Variants in CASD1 observed in about 807,000 individuals in gnomAD.
CASD1 encodes CAS1 domain sialic acid O acetyltransferase 1, also known as N-acetylneuraminate (7)9-O-acetyltransferase.
In CASD1, 41 loss-of-function variants were observed where a neutral mutation model predicts 100.0. The observed-to-expected ratio is 0.41, with a 90% CI of 0.32 to 0.53. The LOEUF is 0.53. CASD1 is among the 20% of genes least tolerant of loss of function. CASD1 has a pLI of 0.25. For missense variants in CASD1, 774 were observed against 948.7 expected, an observed-to-expected ratio of 0.82 and a Z score of 2.42; for synonymous variants, 321 against 315.6, an observed-to-expected ratio of 1.02 and a Z score of -0.18.
chr7:94,510,224 G>T lies in CASD1; in HGVS notation c.133+7G>T. ...GCCTCCCGCCGCTACCGAGGTGAGC[G>T]GGCCCTCCCCTCTGCCCGGGCAGGC... On this transcript the variant is annotated splice_region_variant and intron_variant, in intron 1 of 17. Coordinates refer to ENST00000297273, the MANE Select transcript of CASD1 (RefSeq NM_022900.5). The T allele has an allele frequency of 6.7e-7, 1 of 1,498,652 alleles. No homozygotes were observed. The highest frequency in any genetic ancestry group is 8.9e-7 in the Non-Finnish European group (1 of 1,120,008). The allele number at this position is 1,498,652 out of a possible 1,614,324, so 92.8% of individuals were successfully genotyped here.
At chr7:94,545,493 A>G (rs1795630665) in intron 11 of CASD1, 52 bp from the exon 12 acceptor site, 2 of 1,439,436 alleles carry the variant, frequency 1.4e-6, no homozygotes, top group African/African-American at 1.4e-5. Context: ...GTGTGTACCT[A>G]GAATGAAAAC....
rs1393352796 is a variant in CASD1 at position 94,535,514 on chromosome 7, C to CAG, written c.838_839dup (p.Thr281LysfsTer5). 6.2e-7 allele frequency: 1 copy of CAG among 1,612,462 alleles called. No homozygotes were observed. Among genetic ancestry groups the CAG allele is most frequent in the Non-Finnish European group, 8.5e-7 (1 of 1,179,002 alleles). ...ATGGCTTACATCTTCCTGAATCGAG[C>CAG]AGAGAAACTGTGAGAAATTTTTACA... On this transcript the variant is annotated frameshift_variant, in exon 8 of 18. Coordinates refer to ENST00000297273, the MANE Select transcript of CASD1 (RefSeq NM_022900.5). LOFTEE classifies it high-confidence loss of function.
chr7:94,518,410 G>A, intron 3 of CASD1, 87 bp downstream of exon 3: 1 of 1,163,200 alleles, frequency 8.6e-7, no homozygotes, highest in Non-Finnish European at 1.2e-6. Flanking sequence ...TCCAGATTGA[G>A]TAGGAGCTGA....
At chr7:94,576,539 A>G in the CASD1 span, among the ~76,000 whole-genome samples, 1 of 152,208 alleles carries the variant, frequency 6.6e-6, no homozygotes, top group Non-Finnish European at 1.5e-5. Context: ...ATTTATGATG[A>G]ATGCCTGGTT....
the CASD1 span, among the ~76,000 whole-genome samples, chr7:94,564,143 CA>C: frequency 3.3e-5 from 5 of 152,296 alleles, no homozygotes; most frequent in Admixed American, 2.6e-4. Flanking sequence ...TGAATGCACA[CA>C]ATTTCTGATT....
At chr7:94,593,506 A>T in the CASD1 span, among the ~76,000 whole-genome samples, 1 of 151,930 alleles carries the variant, frequency 6.6e-6, no homozygotes, top group Non-Finnish European at 1.5e-5. Flanking sequence ...ATAATAATAA[A>T]TTATTTTTTA....
intron 5 of CASD1, 95 bp downstream of exon 5, chr7:94,528,345 C>G (rs1229943045): frequency 1.5e-5 from 13 of 856,904 alleles, no homozygotes; most frequent in East Asian, 1.0e-4. Context: ...GTCCCACTCT[C>G]CTATATTTTA....
intron 10 of CASD1, 47 bp downstream of exon 10, chr7:94,539,103 T>G: frequency 8.6e-7 from 1 of 1,167,984 alleles, no homozygotes; most frequent in Non-Finnish European, 1.3e-6. Flanking sequence ...AGTGATGTCA[T>G]TTTAATGTTT....
intron 10 of CASD1, 60 bp from the exon 11 acceptor site, chr7:94,544,351 T>C: frequency 3.8e-6 from 6 of 1,589,364 alleles, no homozygotes; most frequent in Admixed American, 1.7e-5. Context: ...GTACTTGTTA[T>C]GATAATCCAA....
At chr7:94,598,211 A>G in the CASD1 span, 104 of 161,660 alleles carry the variant, frequency 6.4e-4, no homozygotes, top group Admixed American at 1.2e-4. Flanking sequence ...ACTCCTTACA[A>G]AGTCCTTCTA....
chr7:94,564,860 T>C, the CASD1 span, among the ~76,000 whole-genome samples: 1 of 152,154 alleles, frequency 6.6e-6, no homozygotes, highest in South Asian at 2.1e-4. Flanking sequence ...TTTGCAGTAC[T>C]CTATATCTTT....
At chr7:94,600,543 CA>C in the CASD1 span, 1 of 796,494 alleles carries the variant, frequency 1.3e-6, no homozygotes, top group Non-Finnish European at 2.1e-6. Flanking sequence ...AATTCATTTA[CA>C]AAGTGTTTTA....
intron 10 of CASD1, among the ~76,000 whole-genome samples, chr7:94,542,320 C>T (rs1005091095): frequency 6.6e-6 from 1 of 152,132 alleles, no homozygotes; most frequent in Non-Finnish European, 1.5e-5. Flanking sequence ...GGCTATTGAG[C>T]ACTTCGTAGC....
At chr7:94,587,403 C>T in the CASD1 span, 2 of 1,123,364 alleles carry the variant, frequency 1.8e-6, no homozygotes, top group South Asian at 4.1e-5. Flanking sequence ...CACTCCATGC[C>T]TGAAATAATT....
At chr7:94,510,289 C>T (rs539593048) in intron 1 of CASD1, 72 bp downstream of exon 1, 5 of 1,164,032 alleles carry the variant, frequency 4.3e-6, no homozygotes, top group Admixed American at 4.0e-5. Context: ...AGGCCGCCCC[C>T]ATCGCCCAAC....
the CASD1 span, chr7:94,627,338 G>A: frequency 1.3e-5 from 2 of 151,936 alleles, no homozygotes; most frequent in African/African-American, 4.8e-5. Flanking sequence ...CAGTTGTTTT[G>A]TTGTTGTTAA....
At chr7:94,523,378 C>A (rs1794388947) in intron 3 of CASD1, among the ~76,000 whole-genome samples, 1 of 152,078 alleles carries the variant, frequency 6.6e-6, no homozygotes, top group African/African-American at 2.4e-5. Context: ...GATACCTCAA[C>A]AAAGCTGTTA....
chr7:94,594,921 T>C, the CASD1 span, among the ~76,000 whole-genome samples: 1 of 152,266 alleles, frequency 6.6e-6, no homozygotes, highest in Admixed American at 6.5e-5. Context: ...TTTCTAGGCA[T>C]GTGCTACATC....
the CASD1 span, among the ~76,000 whole-genome samples, chr7:94,574,742 G>A: frequency 3.3e-5 from 5 of 151,454 alleles, no homozygotes; most frequent in Admixed American, 6.6e-5. Context: ...AGCCTGAGAC[G>A]GACGGATCAT....
Sources: allele counts gnomAD v4.1 joint callset (sites outside exome capture counted in the v4.1 genomes callset), GRCh38; gene constraint gnomAD v4.1.1; transcripts MANE v1.5; gene names NCBI Gene and HGNC (gene_info 2026-07-23, HGNC 2026-07-21).